USP28: variants seen among roughly 807,000 people sequenced by gnomAD.
USP28 encodes ubiquitin specific peptidase 28.
In USP28, 113 loss-of-function variants were observed where a neutral mutation model predicts 145.0. The observed-to-expected ratio is 0.78, with a 90% CI of 0.67 to 0.91. The LOEUF (loss-of-function observed/expected upper bound fraction) is 0.91, where lower values mean the gene tolerates loss of function less well. USP28 is among the 40% of genes least tolerant of loss of function. USP28 has a pLI of 0.00. For synonymous variants in USP28, 447 were observed against 450.9 expected, an observed-to-expected ratio of 0.99 and a Z score of 0.11; for missense variants, 1,201 against 1,289.6, an observed-to-expected ratio of 0.93 and a Z score of 1.05.
exon 23 of USP28, chr11:113,803,260 G>A (rs376543786): frequency 1.9e-6 from 3 of 1,612,250 alleles, no homozygotes; most frequent in South Asian, 1.1e-5. Flanking sequence ...CATATACCAG[G>A]TAGGAAAGTG....
chr11:113,849,920 T>C (rs987475415), intron 3 of USP28, among the ~76,000 whole-genome samples: 11 of 152,180 alleles, frequency 7.2e-5, no homozygotes, highest in Non-Finnish European at 1.0e-4. Flanking sequence ...ACCATGCAAA[T>C]GCTTTCAGTG....
chr11:113,829,374 A>T, intron 9 of USP28, 29 bp from the exon 10 acceptor site: 1 of 1,613,032 alleles, frequency 6.2e-7, no homozygotes, highest in Non-Finnish European at 8.5e-7. Context: ...TTTTTAAAAA[A>T]GACATCACTA....
intron 12 of USP28, among the ~76,000 whole-genome samples, chr11:113,819,023 A>G (rs575000195): frequency 1.3e-4 from 20 of 152,330 alleles, no homozygotes; most frequent in African/African-American, 3.8e-4. Context: ...AAGTGGTTAA[A>G]AAAAAGATGT....
chr11:113,839,964 T>C (rs1451395906), intron 5 of USP28, among the ~76,000 whole-genome samples: 1 of 152,094 alleles, frequency 6.6e-6, no homozygotes, highest in Non-Finnish European at 1.5e-5. Flanking sequence ...TGCAGTGAGC[T>C]GAGATCGCAC....
chr11:113,870,823 T>C (rs187454691), intron 1 of USP28, among the ~76,000 whole-genome samples: 96 of 152,300 alleles, frequency 6.3e-4, no homozygotes, highest in Middle Eastern at 3.4e-3. Flanking sequence ...TCTGAATACA[T>C]TGTCACTGGA....
At chr11:113,870,977 G>C (rs563807339) in intron 1 of USP28, among the ~76,000 whole-genome samples, 1 of 152,150 alleles carries the variant, frequency 6.6e-6, no homozygotes, top group Non-Finnish European at 1.5e-5. Flanking sequence ...ACAAGTGCAC[G>C]GTAAAATGGA....
chr11:113,874,449 A>AT, intron 1 of USP28: 3 of 856,404 alleles, frequency 3.5e-6, no homozygotes, highest in Non-Finnish European at 4.7e-6. Flanking sequence ...AAAAAAAAAA[A>AT]GTGTCTCCAT....
intron 7 of USP28, among the ~76,000 whole-genome samples, 168 bp downstream of exon 7, chr11:113,833,250 CAT>C (rs1397575560): frequency 4.6e-5 from 7 of 152,206 alleles, no homozygotes; most frequent in South Asian, 2.1e-4. Context: ...CTCACACACA[CAT>C]GCTTTCTCTC....
intron 6 of USP28, among the ~76,000 whole-genome samples, chr11:113,833,857 T>G (rs565081686): frequency 6.6e-6 from 1 of 152,206 alleles, no homozygotes; most frequent in Non-Finnish European, 1.5e-5. Flanking sequence ...TGGGAAGGGT[T>G]AAATTGCTAG....
chr11:113,805,560 G>A (rs564415178), intron 19 of USP28, among the ~76,000 whole-genome samples: 5 of 152,166 alleles, frequency 3.3e-5, no homozygotes, highest in African/African-American at 7.2e-5. Context: ...CCAGCCTACT[G>A]TACTCTTAAG....
At chr11:113,825,617 T>TATG (rs1943196759) in intron 11 of USP28, among the ~76,000 whole-genome samples, 1 of 152,074 alleles carries the variant, frequency 6.6e-6, no homozygotes, top group Non-Finnish European at 1.5e-5. Context: ...TGGCAAAAAA[T>TATG]CACTGCAGTA....
intron 1 of USP28, among the ~76,000 whole-genome samples, chr11:113,871,831 G>A (rs1368547909): frequency 6.6e-6 from 1 of 152,176 alleles, no homozygotes; most frequent in Non-Finnish European, 1.5e-5. Flanking sequence ...TTCTAGAAAA[G>A]GCATTATAAG....
exon 20 of USP28, chr11:113,804,985 C>T (rs1425246662): frequency 6.2e-7 from 1 of 1,614,132 alleles, no homozygotes; most frequent in South Asian, 1.1e-5. Context: ...TCGAGGATCA[C>T]TGTGAGAGGT....
chr11:113,798,119 G>C (rs1409870906), exon 25 of USP28: 4 of 103,124 alleles, frequency 3.9e-5, no homozygotes, highest in Non-Finnish European at 7.5e-5. Flanking sequence ...TTACTTTTAA[G>C]GGCAAAAAAG....
In USP28 at chr11:113,835,588, G is replaced by A. The variant is rs534269347; in HGVS notation, c.535-1253C>T. On this transcript the variant is annotated intron_variant, in intron 5 of 24. Coordinates refer to ENST00000003302, the Ensembl canonical transcript of USP28. ...AAAGTTCTCTCTGGGACCAGGGCTT[G>A]GCTGGTGAGCTGTATCCTCTGCCAC... Among the ~76,000 whole-genome samples, 32 of 152,326 alleles carry A rather than the reference G, an allele frequency of 2.1e-4. No individual in the cohort carries two copies. In the South Asian group the frequency reaches 4.4e-3, roughly 21 times the overall value.
intron 3 of USP28, among the ~76,000 whole-genome samples, chr11:113,844,786 T>C (rs962812986): frequency 7.9e-5 from 12 of 152,018 alleles, no homozygotes; most frequent in Admixed American, 5.9e-4. Context: ...ACTGGAAACT[T>C]TGTGCACTGT....
chr11:113,853,804 G>C (rs751115747), intron 2 of USP28, among the ~76,000 whole-genome samples: 11 of 150,688 alleles, frequency 7.3e-5, no homozygotes, highest in African/African-American at 2.4e-4. Flanking sequence ...GCTTGAATGC[G>C]GGAGGGAGAG....
At chr11:113,805,351 GC>G (rs1939771575) in intron 19 of USP28, among the ~76,000 whole-genome samples, 1 of 151,692 alleles carries the variant, frequency 6.6e-6, no homozygotes, top group South Asian at 2.1e-4. Flanking sequence ...GAACTCCTGG[GC>G]TCAGGTGATC....
intron 1 of USP28, among the ~76,000 whole-genome samples, chr11:113,875,203 A>G (rs1483868784): frequency 1.3e-5 from 2 of 152,198 alleles, no homozygotes; most frequent in East Asian, 3.9e-4. Flanking sequence ...TTGGTTTTCC[A>G]AAATCTGGAA....
Sources: gnomAD v4.1 joint callset for allele counts (sites outside exome capture counted in the v4.1 genomes callset) on GRCh38, gnomAD v4.1.1 for gene constraint, MANE v1.5 for transcripts, NCBI Gene and HGNC (gene_info 2026-07-23, HGNC 2026-07-21) for gene names.